Variants in TSPAN18 observed in about 807,000 individuals in gnomAD.
The protein encoded by TSPAN18 is tetraspanin 18, also known as tetraspanin-18.
In TSPAN18, 14 loss-of-function variants were observed where a neutral mutation model predicts 27.3. That is an observed-to-expected ratio of 0.51 (90% CI 0.34 to 0.80). The LOEUF is 0.80. Among genes scored for constraint, TSPAN18 ranks in the 30% least tolerant of loss-of-function variants. The probability of loss-of-function intolerance (pLI) is 0.01; values close to 1 mark genes in which losing one functional copy is unlikely to be tolerated. For synonymous variants in TSPAN18, 143 were observed against 136.5 expected (o/e 1.05, Z -0.33); for missense variants, 268 against 323.9 (o/e 0.83, Z 1.32).
chr11:44,860,465 T>C lies in TSPAN18; in HGVS notation c.-15T>C, dbSNP rs1280236849. 1.4e-5 allele frequency: 2 copies of C among 143,314 alleles called. No individual in the cohort carries two copies. The highest frequency in any genetic ancestry group is 3.1e-5 in the Non-Finnish European group (2 of 64,466). 8.9% of individuals were successfully genotyped at this position (143,314 alleles called of 1,614,324 possible). ...TTTGCAGACATCTCAACGCTGGCTC[T>C]CCAGGTAACAGAGGTTAGGCTCATT... On this transcript the variant is annotated 5_prime_UTR_variant, in exon 3 of 10. Transcript: ENST00000520358.
At chr11:44,795,930 GAC>G (rs2135055200) in intron 2 of TSPAN18, among the ~76,000 whole-genome samples, 1 of 152,218 alleles carries the variant, frequency 6.6e-6, no homozygotes, top group South Asian at 2.1e-4. Flanking sequence ...GTAGCCTGCA[GAC>G]ACAGCCTGTC....
At chr11:44,856,003 C>T (rs1857727617) in intron 2 of TSPAN18, among the ~76,000 whole-genome samples, 1 of 151,988 alleles carries the variant, frequency 6.6e-6, no homozygotes, top group South Asian at 2.1e-4. Flanking sequence ...CTGCCTCAGC[C>T]TCCCGAGTAG....
At chr11:44,838,011 C>G (rs1174643018) in intron 2 of TSPAN18, among the ~76,000 whole-genome samples, 2 of 152,166 alleles carry the variant, frequency 1.3e-5, no homozygotes, top group Non-Finnish European at 2.9e-5. Flanking sequence ...TGTATCCACC[C>G]AAATATTGAT....
At position 44,931,224 on chromosome 11, in the gene TSPAN18, C is replaced by T. The variant is rs1860550085; in HGVS notation, c.*2046C>T. 7 of 304,252 alleles carry T rather than the reference C, an allele frequency of 2.3e-5. No individual in the cohort carries two copies. The highest frequency in any genetic ancestry group is 2.2e-4 in the Admixed American group (5 of 22,310). 18.8% of individuals were successfully genotyped at this position (304,252 alleles called of 1,614,324 possible). ...ACCCAGGGGGACCTGCCACTGGTACCGCGGCCCAGCCTGGGGCCTGGGGGC... is the reference window on the plus strand; with the variant it reads ...ACCCAGGGGGACCTGCCACTGGTACTGCGGCCCAGCCTGGGGCCTGGGGGC... On this transcript the variant is annotated 3_prime_UTR_variant, in exon 10 of 10. Coordinates refer to ENST00000520358, the MANE Select transcript of TSPAN18 (RefSeq NM_130783.5).
At chr11:44,745,988 C>T (rs1855065783) in intron 1 of TSPAN18, among the ~76,000 whole-genome samples, 4 of 152,222 alleles carry the variant, frequency 2.6e-5, no homozygotes, top group Admixed American at 2.6e-4. Flanking sequence ...GATCGTGCCA[C>T]TGCACTCCAG....
intron 2 of TSPAN18, among the ~76,000 whole-genome samples, chr11:44,841,656 G>T (rs1857376860): frequency 6.6e-6 from 1 of 152,190 alleles, no homozygotes; most frequent in South Asian, 2.1e-4. Flanking sequence ...CCTAAAGCAG[G>T]TGAAGCTGAC....
intron 2 of TSPAN18, among the ~76,000 whole-genome samples, chr11:44,796,535 A>G (rs1268000659): frequency 6.6e-6 from 1 of 152,068 alleles, no homozygotes; most frequent in Non-Finnish European, 1.5e-5. Flanking sequence ...CTCCTTGGAG[A>G]GGCAACACCT....
chr11:44,753,013 C>G (rs970313785), intron 1 of TSPAN18, among the ~76,000 whole-genome samples: 2 of 152,206 alleles, frequency 1.3e-5, no homozygotes, highest in South Asian at 2.1e-4. Context: ...ACAGACCTCT[C>G]TTTGCCTTTT....
At chr11:44,789,705 A>C (rs918233661) in intron 2 of TSPAN18, among the ~76,000 whole-genome samples, 7 of 152,196 alleles carry the variant, frequency 4.6e-5, no homozygotes, top group Non-Finnish European at 7.3e-5. Context: ...TATTCGTGGA[A>C]TGAGAAGAAA....
Position 44,817,336 on chromosome 11 carries a change from G to A in TSPAN18, c.-152-42992G>A, listed in dbSNP as rs537413862. On this transcript the variant is annotated intron_variant, in intron 2 of 9. Transcript: ENST00000520358. ...CCAAAGCTCAGTGGCTGAAACCAAC[G>A]TTTACTCTCAGCTCAAGGGCTGTAG... 3.3e-4 allele frequency among the ~76,000 whole-genome samples: 50 copies of A among 152,336 alleles called. 1 individual carries two copies. Among genetic ancestry groups the A allele is most frequent in the Non-Finnish European group, 4.1e-4 (28 of 68,034 alleles).
At chr11:44,846,045 T>C (rs1857473034) in intron 2 of TSPAN18, among the ~76,000 whole-genome samples, 1 of 152,268 alleles carries the variant, frequency 6.6e-6, no homozygotes, top group South Asian at 2.1e-4. Context: ...ATGGCCATGC[T>C]GATGGAACCT....
intron 3 of TSPAN18, among the ~76,000 whole-genome samples, chr11:44,900,582 G>T (rs1321255910): frequency 1.3e-5 from 2 of 150,792 alleles, no homozygotes; most frequent in African/African-American, 4.9e-5. Flanking sequence ...TGTGTTCCCT[G>T]GCACATAGTA....
intron 1 of TSPAN18, among the ~76,000 whole-genome samples, chr11:44,742,315 T>TCCTTCCTTCCCTCCCTCCCTCCCTC (rs1565129484): frequency 4.3e-5 from 6 of 139,588 alleles, no homozygotes; most frequent in African/African-American, 1.5e-4. Flanking sequence ...CTCCCTTTTT[T>TCCTTCCTTCCCTCCCTCCCTCCCTC]CCTTTCTTCC....
intron 1 of TSPAN18, among the ~76,000 whole-genome samples, chr11:44,731,633 T>TGTGAGAGAGA (rs139154582): frequency 0.015 from 1,582 of 107,432 alleles, 21 homozygotes; most frequent in Non-Finnish European, 0.018. Context: ...TGTGTGTGTG[T>TGTGAGAGAGA]GAGAGAGAGA....
intron 2 of TSPAN18, among the ~76,000 whole-genome samples, chr11:44,774,692 C>T (rs1855764867): frequency 6.6e-6 from 1 of 152,100 alleles, no homozygotes; most frequent in South Asian, 2.1e-4. Context: ...ATTCACTAGG[C>T]ATCCACTGGG....
At chr11:44,810,758 A>G (rs1336338045) in intron 2 of TSPAN18, among the ~76,000 whole-genome samples, 1 of 151,646 alleles carries the variant, frequency 6.6e-6, no homozygotes, top group Non-Finnish European at 1.5e-5. Flanking sequence ...GGCACATGCC[A>G]CCACACCCAG....
At chr11:44,728,574 G>A (rs139498628) in intron 1 of TSPAN18, among the ~76,000 whole-genome samples, 40 of 152,250 alleles carry the variant, frequency 2.6e-4, no homozygotes, top group African/African-American at 8.9e-4. Flanking sequence ...AGTCCAGGCA[G>A]AAGTGTTAAA....
chr11:44,839,119 A>G (rs545224161), intron 2 of TSPAN18, among the ~76,000 whole-genome samples: 3 of 152,372 alleles, frequency 2.0e-5, no homozygotes, highest in Non-Finnish European at 2.9e-5. Flanking sequence ...TCTCAAGCCT[A>G]TAGCATCAGC....
At chr11:44,882,008 A>T (rs924150757) in intron 3 of TSPAN18, among the ~76,000 whole-genome samples, 2 of 151,912 alleles carry the variant, frequency 1.3e-5, no homozygotes, top group African/African-American at 4.8e-5. Flanking sequence ...CATCTTCCCA[A>T]CTCCCACAGT....
Sources: gnomAD v4.1 joint callset for allele counts (sites outside exome capture counted in the v4.1 genomes callset) on GRCh38, gnomAD v4.1.1 for gene constraint, MANE v1.5 for transcripts, NCBI Gene and HGNC (gene_info 2026-07-23, HGNC 2026-07-21) for gene names.